CTNNA2: variants seen among roughly 807,000 people sequenced by gnomAD.
CTNNA2 encodes catenin alpha-2.
A neutral mutation model predicts 101.0 loss-of-function variants in CTNNA2; 42 were observed. The observed-to-expected ratio is 0.42, with a 90% CI of 0.32 to 0.54. The LOEUF (loss-of-function observed/expected upper bound fraction) is 0.54, where lower values mean the gene tolerates loss of function less well. Among genes scored for constraint, CTNNA2 ranks in the 20% least tolerant of loss-of-function variants. The pLI, the probability that CTNNA2 is intolerant of heterozygous loss-of-function variation, is 0.14. For missense variants in CTNNA2, 871 were observed against 1,223.1 expected (o/e 0.71, Z 4.29); for synonymous variants, 450 against 456.4 (o/e 0.99, Z 0.18).
chr2:79,923,140 T>G (rs1686789010), intron 7 of CTNNA2, among the ~76,000 whole-genome samples: 1 of 152,082 alleles, frequency 6.6e-6, no homozygotes, highest in Non-Finnish European at 1.5e-5. Flanking sequence ...AAGAGCCTGT[T>G]TTGTCAGGAG....
intron 3 of CTNNA2, among the ~76,000 whole-genome samples, chr2:79,347,706 T>C (rs1677292480): frequency 6.6e-6 from 1 of 152,064 alleles, no homozygotes; most frequent in Non-Finnish European, 1.5e-5. Context: ...GAGGATTCAA[T>C]GATCTTTCTA....
chr2:79,305,257 C>T (rs1034209067), intron 2 of CTNNA2, among the ~76,000 whole-genome samples: 14 of 150,210 alleles, frequency 9.3e-5, no homozygotes, highest in African/African-American at 3.2e-4. Context: ...AACACATCTC[C>T]GTGAGTATAT....
chr2:79,970,692 T>C (rs776338306), intron 7 of CTNNA2, among the ~76,000 whole-genome samples: 1 of 152,116 alleles, frequency 6.6e-6, no homozygotes, highest in Non-Finnish European at 1.5e-5. Flanking sequence ...ACAATAATAA[T>C]AGGTGGCAGG....
intron 7 of CTNNA2, among the ~76,000 whole-genome samples, chr2:80,367,018 T>C (rs1476456591): frequency 6.6e-6 from 1 of 151,544 alleles, no homozygotes; most frequent in Non-Finnish European, 1.5e-5. Flanking sequence ...TTTTTTTTTT[T>C]TTTTGAGTTT....
At chr2:79,936,019 A>G (rs1263381041) in intron 7 of CTNNA2, among the ~76,000 whole-genome samples, 1 of 152,260 alleles carries the variant, frequency 6.6e-6, no homozygotes, top group Non-Finnish European at 1.5e-5. Context: ...GGCAATGAAG[A>G]GAGATTTAAT....
intron 2 of CTNNA2, among the ~76,000 whole-genome samples, chr2:79,201,969 A>C (rs1674041093): frequency 6.6e-6 from 1 of 152,166 alleles, no homozygotes; most frequent in East Asian, 1.9e-4. Flanking sequence ...TGAGATGTAC[A>C]CTAGTTCAGT....
chr2:79,764,145 A>G (rs897501554), intron 3 of CTNNA2, among the ~76,000 whole-genome samples: 8 of 152,228 alleles, frequency 5.3e-5, no homozygotes, highest in East Asian at 1.9e-4. Context: ...CAGTGGGGAA[A>G]GAGACACTCA....
At chr2:80,568,744 G>T (rs558848156) in intron 12 of CTNNA2, among the ~76,000 whole-genome samples, 2 of 152,284 alleles carry the variant, frequency 1.3e-5, no homozygotes, top group East Asian at 3.9e-4. Flanking sequence ...AGACGAGTAT[G>T]TACATTTCAG....
chr2:80,536,898 C>T (rs1691080301), intron 9 of CTNNA2, among the ~76,000 whole-genome samples: 1 of 152,174 alleles, frequency 6.6e-6, no homozygotes, highest in Non-Finnish European at 1.5e-5. Flanking sequence ...AAACATCTTG[C>T]CTTTTTAAAT....
intron 4 of CTNNA2, among the ~76,000 whole-genome samples, chr2:79,420,861 T>C (rs1256516549): frequency 6.6e-6 from 1 of 152,186 alleles, no homozygotes; most frequent in Non-Finnish European, 1.5e-5. Context: ...AGGAATGTGA[T>C]ACATTCCTCA....
chr2:80,172,154 C>A (rs1039736505), intron 7 of CTNNA2, among the ~76,000 whole-genome samples: 2 of 152,108 alleles, frequency 1.3e-5, no homozygotes, highest in African/African-American at 4.8e-5. Context: ...TGTTGATCTG[C>A]CACCTCCTGC....
At chr2:79,197,896 C>T (rs1204271646) in intron 1 of CTNNA2, 1 of 152,384 alleles carries the variant, frequency 6.6e-6, no homozygotes, top group Non-Finnish European at 1.5e-5. Context: ...GCCTCAGCCT[C>T]CAAAGTAGCT....
chr2:79,365,963 G>A (rs941464420), intron 3 of CTNNA2, among the ~76,000 whole-genome samples: 8 of 152,174 alleles, frequency 5.3e-5, no homozygotes, highest in South Asian at 2.1e-4. Flanking sequence ...AAGGTTACCC[G>A]GTGAGGGTTA....
At chr2:79,621,596 GAATA>G (rs1052267273) in intron 1 of CTNNA2, among the ~76,000 whole-genome samples, 32 of 152,122 alleles carry the variant, frequency 2.1e-4, no homozygotes, top group African/African-American at 7.2e-4. Flanking sequence ...ATATGTGATT[GAATA>G]AATAAATAAA....
At chr2:79,952,052 C>A (rs997064361) in intron 7 of CTNNA2, among the ~76,000 whole-genome samples, 1 of 152,168 alleles carries the variant, frequency 6.6e-6, no homozygotes, top group East Asian at 1.9e-4. Context: ...TTGCTGCCTG[C>A]CACCTCCATC....
At position 80,302,839 on chromosome 2, in the gene CTNNA2, C is replaced by G. The variant is rs1393641772; in HGVS notation, c.1057-90372C>G. ...AGCGCCCCTGGAAGTTGTTGAGCCA[C>G]GAGGCTAGGGCACACACGTTGCGCC... is the stretch of plus-strand genomic sequence containing the variant. On this transcript the variant is annotated intron_variant, in intron 7 of 18. Coordinates refer to ENST00000402739, the MANE Select transcript of CTNNA2 (RefSeq NM_001282597.3). The surrounding 1 kb of genome is among the most constrained non-coding windows in gnomAD (Gnocchi z 6.4). The G allele has an allele frequency of 6.2e-7, 1 of 1,614,064 alleles. No homozygotes were observed. Among genetic ancestry groups the G allele is most frequent in the South Asian group, 1.1e-5 (1 of 91,084 alleles).
At chr2:80,621,308 GT>G (rs1256539302) in intron 18 of CTNNA2, among the ~76,000 whole-genome samples, 1 of 151,876 alleles carries the variant, frequency 6.6e-6, no homozygotes, top group Non-Finnish European at 1.5e-5. Context: ...ATGAAATACA[GT>G]TTTTATTTTG....
intron 7 of CTNNA2, among the ~76,000 whole-genome samples, chr2:79,938,349 A>T (rs1687926998): frequency 6.6e-6 from 1 of 152,234 alleles, no homozygotes; most frequent in African/African-American, 2.4e-5. Flanking sequence ...TATCAGAAAC[A>T]GTGATGAAGA....
chr2:80,005,891 A>T (rs1316739752), intron 7 of CTNNA2, among the ~76,000 whole-genome samples: 2 of 152,038 alleles, frequency 1.3e-5, no homozygotes, highest in Admixed American at 1.3e-4. Context: ...ATATTTAATT[A>T]CTTTTTATAT....
Sources: gnomAD v4.1 joint callset for allele counts (sites outside exome capture counted in the v4.1 genomes callset) on GRCh38, gnomAD v4.1.1 for gene constraint, Gnocchi (gnomAD v3.1) non-coding constraint, MANE v1.5 for transcripts, NCBI Gene and HGNC (gene_info 2026-07-23, HGNC 2026-07-21) for gene names.